The following STAMBP variants were observed in gnomAD, a reference collection of about 807,000 sequenced individuals.
STAMBP encodes the protein STAM binding protein, also known as STAM-binding protein.
In STAMBP, 31 loss-of-function variants were observed where a neutral mutation model predicts 50.7. The observed-to-expected ratio is 0.61, with a 90% CI of 0.46 to 0.83. The LOEUF is 0.83. Ranked by LOEUF, STAMBP falls within the 40% of genes least tolerant of loss-of-function variation. The pLI is 0.00. For missense variants in STAMBP, 472 were observed against 518.9 expected (o/e 0.91, Z 0.88); for synonymous variants, 211 against 192.4 (o/e 1.10, Z -0.80).
intron 2 of STAMBP, among the ~76,000 whole-genome samples, chr2:73,839,650 T>C (rs1367888877): frequency 1.3e-5 from 2 of 152,228 alleles, no homozygotes. Context: ...TTAACACTTA[T>C]TCACGATTTA....
downstream of STAMBP, among the ~76,000 whole-genome samples, chr2:73,869,450 C>G (rs746170541): frequency 1.9e-4 from 29 of 152,242 alleles, no homozygotes; most frequent in African/African-American, 5.8e-4. Flanking sequence ...AAAGATGCTA[C>G]GTCTTCTTTA....
chr2:73,847,435 C>T lies in STAMBP; in HGVS notation c.424C>T (p.Leu142=). ...LARNMAIQQE[L]EKEKQRVAQQ... ...CCGGAACATGGCCATCCAGCAAGAG[C>T]TGGAAAAGGAAAAACAGAGGGTAGC... is the stretch of plus-strand genomic sequence containing the variant. The change falls in exon 5 of 10, where the codon CTG becomes TTG. Residue 142 remains leucine (L), a synonymous_variant. Transcript: ENST00000394070. The T allele has an allele frequency of 6.2e-7, 1 of 1,613,308 alleles. No individual in the cohort carries two copies. The highest frequency in any genetic ancestry group is 2.2e-5 in the East Asian group (1 of 44,874).
chr2:73,830,316 CTT>C (rs998241144), intron 1 of STAMBP, among the ~76,000 whole-genome samples: 11 of 152,340 alleles, frequency 7.2e-5, no homozygotes, highest in African/African-American at 2.6e-4. Flanking sequence ...CCTAACTCAC[CTT>C]GTGCTCAAAT....
intron 7 of STAMBP, 144 bp from the exon 8 acceptor site, chr2:73,859,110 C>T (rs1677962077): frequency 1.6e-6 from 1 of 626,898 alleles, no homozygotes; most frequent in Non-Finnish European, 2.9e-6. Flanking sequence ...GATGATCTCT[C>T]TTTCTCAAAG....
rs149175081 is a variant in STAMBP at position 73,860,250 on chromosome 2, C to T, written c.1218+99C>T. The T allele has an allele frequency of 2.2e-4, 216 of 977,212 alleles. No individual in the cohort carries two copies. The African/African-American group carries it at 3.0e-3, about 13-fold the overall frequency. The allele number at this position is 977,212 out of a possible 1,614,324, so 60.5% of individuals were successfully genotyped here. A position where few individuals can be genotyped will look rare whatever the true frequency, so the allele number is the denominator to read the frequency against. ...ATCCTTTCTGATCCACACAGAAGACCAGCTTTGTCACTTACCTTGCCAGAT... is the reference window on the plus strand; with the variant it reads ...ATCCTTTCTGATCCACACAGAAGACTAGCTTTGTCACTTACCTTGCCAGAT... On this transcript the variant is annotated intron_variant, in intron 9 of 9. Transcript: ENST00000394070.
Position 73,829,307 on chromosome 2 carries a change from C to G in STAMBP, c.-216C>G, listed in dbSNP as rs992113150. The G allele has an allele frequency of 6.6e-6, 1 of 152,346 alleles. No individual in the cohort carries two copies. Among genetic ancestry groups the G allele is most frequent in the African/African-American group, 2.4e-5 (1 of 41,448 alleles). 9.4% of individuals were successfully genotyped at this position (152,346 alleles called of 1,614,324 possible). A position where few individuals can be genotyped will look rare whatever the true frequency, so the allele number is the denominator to read the frequency against. On this transcript the variant is annotated 5_prime_UTR_variant, in exon 1 of 10. Coordinates refer to ENST00000394070, the MANE Select transcript of STAMBP (RefSeq NM_213622.4). ...CAAGCAGTTGTCGATAGAGCCCTCCCTACTGTATACGCCCCCTCCGCTCAT... is the reference window on the plus strand; with the variant it reads ...CAAGCAGTTGTCGATAGAGCCCTCCGTACTGTATACGCCCCCTCCGCTCAT...
At chr2:73,855,605 G>C (rs771374342) in intron 7 of STAMBP, 3 of 455,976 alleles carry the variant, frequency 6.6e-6, no homozygotes, top group Non-Finnish European at 1.3e-5. Flanking sequence ...CAGCCTAAAG[G>C]ATTATATTCT....
intron 2 of STAMBP, among the ~76,000 whole-genome samples, chr2:73,842,702 AG>A (rs1675552081): frequency 1.3e-5 from 2 of 152,224 alleles, no homozygotes; most frequent in African/African-American, 4.8e-5. Flanking sequence ...TTGTGCTTAA[AG>A]TCACAATTTC....
rs1480848728 is a variant in STAMBP, at chr2:73,865,442, G to C, written c.*3183G>C. On this transcript the variant is annotated 3_prime_UTR_variant, in exon 10 of 10. Transcript: ENST00000394070. ...CATGTGAGCCCAGAGTAGAACTTCT[G>C]AGTCAAGGATCATGTCTTTTTCTGA... 1 of 152,176 alleles carries C rather than the reference G, an allele frequency of 6.6e-6. No homozygotes were observed. The highest frequency in any genetic ancestry group is 1.9e-4 in the East Asian group (1 of 5,186). 9.4% of individuals were successfully genotyped at this position (152,176 alleles called of 1,614,324 possible).
chr2:73,837,676 A>C (rs772029236), intron 2 of STAMBP, among the ~76,000 whole-genome samples: 1 of 151,970 alleles, frequency 6.6e-6, no homozygotes, highest in Admixed American at 6.6e-5. Flanking sequence ...TTTTTCCATA[A>C]AATTGGGGTA....
intron 5 of STAMBP, 40 bp downstream of exon 5, chr2:73,847,793 A>C (rs1203246012): frequency 3.8e-6 from 6 of 1,584,798 alleles, no homozygotes; most frequent in Non-Finnish European, 5.1e-6. Flanking sequence ...TCTCAGTTGC[A>C]GCCAAACAGT....
chr2:73,868,949 A>G (rs2104761038), downstream of STAMBP, among the ~76,000 whole-genome samples: 1 of 152,338 alleles, frequency 6.6e-6, no homozygotes, highest in Non-Finnish European at 1.5e-5. Context: ...TATAACACCC[A>G]GCGTCATACT....
intron 5 of STAMBP, 55 bp downstream of exon 5, chr2:73,847,808 T>A: frequency 1.1e-5 from 17 of 1,559,562 alleles, no homozygotes; most frequent in Non-Finnish European, 1.4e-5. Flanking sequence ...AACAGTATCA[T>A]TCTGACGGGG....
At chr2:73,870,902 C>A (rs75980221), downstream of STAMBP, among the ~76,000 whole-genome samples, 1 of 152,102 alleles carries the variant, frequency 6.6e-6, no homozygotes, top group Non-Finnish European at 1.5e-5. Flanking sequence ...TAGTATACAC[C>A]TTTCCCATGT....
intron 7 of STAMBP, among the ~76,000 whole-genome samples, chr2:73,851,489 T>C (rs1676796303): frequency 1.3e-5 from 2 of 152,126 alleles, no homozygotes; most frequent in African/African-American, 4.8e-5. Context: ...GGACCATGCC[T>C]GATAGGGTTT....
chr2:73,830,928 G>C lies in STAMBP; in HGVS notation c.72G>C (p.Ala24=), dbSNP rs777124033. The change falls in exon 2 of 10, where the codon GCG becomes GCC. Residue 24 remains alanine, a synonymous_variant. Transcript: ENST00000394070. ...GGGCTCTCTCCCAGCTGGGTAGTGC[G>C]GTAGAGGTGAATGAAGACATTCCAC... ...RVRALSQLGS[A]VEVNEDIPPR... 6.2e-7 allele frequency: 1 copy of C among 1,614,070 alleles called. No individual in the cohort carries two copies. The highest frequency in any genetic ancestry group is 2.2e-5 in the East Asian group (1 of 44,884).
At chr2:73,840,293 T>G (rs1408676432) in intron 2 of STAMBP, among the ~76,000 whole-genome samples, 1 of 151,138 alleles carries the variant, frequency 6.6e-6, no homozygotes, top group Non-Finnish European at 1.5e-5. Flanking sequence ...AATCCCCTAT[T>G]GATGGACATT....
chr2:73,843,000 G>T (rs1007581916), intron 2 of STAMBP, among the ~76,000 whole-genome samples: 1 of 152,090 alleles, frequency 6.6e-6, no homozygotes, highest in Non-Finnish European at 1.5e-5. Flanking sequence ...GCCTGCTAAA[G>T]GTAGTAAATA....
intron 7 of STAMBP, among the ~76,000 whole-genome samples, chr2:73,851,862 A>G (rs536588249): frequency 1.8e-4 from 28 of 152,052 alleles, no homozygotes; most frequent in Middle Eastern, 3.4e-3. Context: ...CTGGTCTCGA[A>G]CTACTGATCT....
Sources: allele counts gnomAD v4.1 joint callset (sites outside exome capture counted in the v4.1 genomes callset), GRCh38; gene constraint gnomAD v4.1.1; transcripts MANE v1.5; gene names NCBI Gene and HGNC (gene_info 2026-07-23, HGNC 2026-07-21).